The following CENPK variants were observed in gnomAD, a reference collection of about 807,000 sequenced individuals.
CENPK encodes the protein SoxLZ/Sox6-binding protein Solt.
Under a neutral mutation model 40.9 loss-of-function variants are expected in CENPK, and 46 were observed. The ratio of observed to expected loss-of-function variants is 1.13; its 90% CI spans 0.89 to 1.44. The LOEUF is 1.44. Among genes scored for constraint, CENPK ranks in the 40% most tolerant of loss-of-function variants. The pLI is 0.00. For synonymous variants in CENPK, 107 were observed against 104.4 expected (o/e 1.02, Z -0.15); for missense variants, 288 against 303.5 (o/e 0.95, Z 0.38).
chr5:65,559,583 C>G (rs796644673), intron 2 of CENPK, among the ~76,000 whole-genome samples: 1 of 148,620 alleles, frequency 6.7e-6, no homozygotes, highest in South Asian at 2.1e-4. Context: ...GAGCCGAGAT[C>G]CCGCCACTGC....
the CENPK span, among the ~76,000 whole-genome samples, chr5:65,511,673 C>G: frequency 9.9e-5 from 15 of 152,216 alleles, no homozygotes; most frequent in Admixed American, 2.0e-4. Flanking sequence ...CCTGTCAGAT[C>G]AGCAGCATTA....
chr5:65,550,481 A>G (rs1307128685), intron 5 of CENPK: 1 of 152,162 alleles, frequency 6.6e-6, no homozygotes, highest in Non-Finnish European at 1.5e-5. Context: ...AATACACACA[A>G]CATTTATTGG....
intron 5 of CENPK, among the ~76,000 whole-genome samples, chr5:65,548,804 C>T (rs1456182107): frequency 6.6e-6 from 1 of 152,146 alleles, no homozygotes; most frequent in Non-Finnish European, 1.5e-5. Context: ...CATTTTCAGA[C>T]TCCACTTCTA....
At chr5:65,542,386 C>T (rs1463783133) in intron 6 of CENPK, among the ~76,000 whole-genome samples, 3 of 152,160 alleles carry the variant, frequency 2.0e-5, no homozygotes, top group African/African-American at 2.4e-5. Flanking sequence ...CGCCTGTAAT[C>T]CCAGCACTTT....
the CENPK span, among the ~76,000 whole-genome samples, chr5:65,499,235 T>C: frequency 0.31 from 45,129 of 144,566 alleles, 7,623 homozygotes; most frequent in African/African-American, 0.42. Flanking sequence ...CTCTTAGTTT[T>C]CCTTCATCTA....
chr5:65,525,713 C>T (rs1251831884), intron 9 of CENPK, among the ~76,000 whole-genome samples: 5 of 152,086 alleles, frequency 3.3e-5, no homozygotes. Flanking sequence ...TAAACGAGGT[C>T]ATAAGAATCG....
downstream of CENPK, among the ~76,000 whole-genome samples, chr5:65,514,109 T>A (rs1742683080): frequency 6.6e-6 from 1 of 152,100 alleles, no homozygotes; most frequent in Non-Finnish European, 1.5e-5. Context: ...ATATTAGATT[T>A]GCTAATATTC....
At chr5:65,557,976 A>T (rs976568990) in intron 2 of CENPK, among the ~76,000 whole-genome samples, 6 of 152,200 alleles carry the variant, frequency 3.9e-5, no homozygotes, top group Non-Finnish European at 8.8e-5. Context: ...ATGGCAGCAC[A>T]TGCCTGTATT....
rs535483484 is a variant in CENPK at position 65,519,330 on chromosome 5, C to A, written c.652-697G>T. On this transcript the variant is annotated intron_variant, in intron 10 of 10. Transcript: ENST00000396679. ...GAATCAGCTGTCTTTCCCAAATGCACTGCTATTATAAAAGTTTTTTCAAGA... is the reference window on the plus strand; with the variant it reads ...GAATCAGCTGTCTTTCCCAAATGCAATGCTATTATAAAAGTTTTTTCAAGA... Among the ~76,000 whole-genome samples, 3 of 152,274 alleles carry A rather than the reference C, an allele frequency of 2.0e-5. No individual in the cohort carries two copies. In the South Asian group the frequency reaches 6.2e-4, roughly 32 times the overall value.
chr5:65,543,912 A>C (rs1748441744), intron 5 of CENPK, among the ~76,000 whole-genome samples: 1 of 152,218 alleles, frequency 6.6e-6, no homozygotes, highest in African/African-American at 2.4e-5. Context: ...ACTCTTCTAA[A>C]ATTTTTGCCA....
At chr5:65,532,064 T>G (rs1745942937) in intron 6 of CENPK, among the ~76,000 whole-genome samples, 1 of 152,090 alleles carries the variant, frequency 6.6e-6, no homozygotes, top group South Asian at 2.1e-4. Context: ...ATGAGAGAGG[T>G]GACATCACTA....
rs562381096 is a variant in CENPK, at chr5:65,519,875, A to T, written c.652-1242T>A. On this transcript the variant is annotated intron_variant, in intron 10 of 10. Coordinates refer to ENST00000396679, the MANE Select transcript of CENPK (RefSeq NM_022145.5). The stretch of plus-strand genomic sequence containing the variant: ...GTACAAACAGCTTATTTTAGTACAA[A>T]TCTTTCCTATTTTGCATTTCTAATT... Among the ~76,000 whole-genome samples the T allele has an allele frequency of 3.5e-3, 538 of 152,264 alleles. 2 individuals are homozygous for T. The highest frequency in any genetic ancestry group is 0.012 in the African/African-American group (518 of 41,568).
intron 2 of CENPK, among the ~76,000 whole-genome samples, chr5:65,556,035 T>C (rs1334555253): frequency 1.3e-5 from 2 of 152,232 alleles, no homozygotes; most frequent in Non-Finnish European, 1.5e-5. Context: ...GTGGTTCCAA[T>C]GGAGCTGAAA....
chr5:65,509,501 T>C, the CENPK span, among the ~76,000 whole-genome samples: 1 of 152,258 alleles, frequency 6.6e-6, no homozygotes, highest in African/African-American at 2.4e-5. Context: ...TATTATTCCA[T>C]TGTACGAATG....
intron 6 of CENPK, among the ~76,000 whole-genome samples, chr5:65,530,179 T>C (rs1440078330): frequency 6.6e-6 from 1 of 152,174 alleles, no homozygotes; most frequent in African/African-American, 2.4e-5. Flanking sequence ...CAATCAATTA[T>C]TCAATCAAAT....
chr5:65,504,472 A>AAAC, the CENPK span, among the ~76,000 whole-genome samples: 1 of 151,710 alleles, frequency 6.6e-6, no homozygotes, highest in African/African-American at 2.4e-5. Context: ...AAAAAAAAAA[A>AAAC]AAAAACCCAC....
intron 6 of CENPK, among the ~76,000 whole-genome samples, chr5:65,534,050 C>CA (rs60018569): frequency 0.23 from 20,536 of 90,354 alleles, 2,764 homozygotes; most frequent in South Asian, 0.33. Context: ...ACCGTCTCAA[C>CA]AAAAAAAAAA....
the CENPK span, among the ~76,000 whole-genome samples, chr5:65,504,438 CAA>C: frequency 1.2e-5 from 1 of 82,022 alleles, no homozygotes; most frequent in East Asian, 4.0e-4. Context: ...GCCTGGGAGA[CAA>C]GAGCAAAATT....
At chr5:65,541,398 C>T (rs566630850) in intron 6 of CENPK, 8 of 456,102 alleles carry the variant, frequency 1.8e-5, no homozygotes, top group Non-Finnish European at 2.6e-5. Flanking sequence ...TAAGAGGACA[C>T]CCAACTGGTT....
Sources: gnomAD v4.1 joint callset for allele counts (sites outside exome capture counted in the v4.1 genomes callset) on GRCh38, gnomAD v4.1.1 for gene constraint, MANE v1.5 for transcripts, NCBI Gene and HGNC (gene_info 2026-07-23, HGNC 2026-07-21) for gene names.